Variants in NLRP13 observed in about 807,000 individuals in gnomAD.
NLRP13 encodes NLR family pyrin domain containing 13.
Under a neutral mutation model 94.4 loss-of-function variants are expected in NLRP13, and 82 were observed. That is an observed-to-expected ratio of 0.87 (90% CI 0.73 to 1.04). The LOEUF is 1.04. Among genes scored for constraint, NLRP13 ranks in the 50% least tolerant of loss-of-function variants. The pLI is 0.00. For missense variants in NLRP13, 1,426 were observed against 1,230.8 expected (o/e 1.16, Z -2.37); for synonymous variants, 553 against 464.7 (o/e 1.19, Z -2.45).
chr19:55,906,757 C>A (rs575684822), intron 7 of NLRP13, among the ~76,000 whole-genome samples: 17 of 150,550 alleles, frequency 1.1e-4, no homozygotes, highest in Admixed American at 3.3e-4. Context: ...TTTACAGACC[C>A]CCCCCTGCTC....
In NLRP13 at chr19:55,902,112, C is replaced by G; in HGVS notation, c.2712G>C (p.Lys904Asn). ...NRSLTHLNLS[K>N]NSLRDEGVKF... The stretch of plus-strand genomic sequence containing the variant: ...TGACTCCCTCGTCTCTCAGGCTGTT[C>G]TTGCTCAGATTCAGGTGTGTCAGGC... The change falls in exon 9 of 11, where the codon AAG becomes AAC. Residue 904 changes from lysine to asparagine, a missense_variant. Transcript: ENST00000342929. The G allele has an allele frequency of 6.2e-7, 1 of 1,614,132 alleles. No homozygotes were observed. Among genetic ancestry groups the G allele is most frequent in the Non-Finnish European group, 8.5e-7 (1 of 1,180,018 alleles).
At chr19:55,904,324 G>A (rs546253088) in intron 8 of NLRP13, among the ~76,000 whole-genome samples, 9 of 152,062 alleles carry the variant, frequency 5.9e-5, no homozygotes, top group Non-Finnish European at 1.2e-4. Flanking sequence ...TCCTGACCTC[G>A]TGATCTGCCC....
At chr19:55,916,121 T>C (rs1434590486) in intron 4 of NLRP13, among the ~76,000 whole-genome samples, 1 of 152,140 alleles carries the variant, frequency 6.6e-6, no homozygotes, top group African/African-American at 2.4e-5. Flanking sequence ...ATACTGTCTA[T>C]AACCAAGGAA....
rs757830786 is a variant in NLRP13 at position 55,904,954 on chromosome 19, A to C, written c.2606T>G (p.Leu869Ter). The change falls in exon 8 of 11, where the codon TTA (leucine) becomes TGA (stop). Residue 869 changes from leucine (L) to a stop codon, truncating the protein, a stop_gained. Transcript: ENST00000342929. LOFTEE classifies it high-confidence loss of function. ...AGGGAAAACTTACTCCAGTCTCTCT[A>C]AGGCACACTTGGGGTGAGTCAGGGC... Reference protein sequence around the residue: ...CAALTHPKCALERLELWFCQL... With the variant: ...CAALTHPKCA The C allele has an allele frequency of 5.6e-6, 9 of 1,613,690 alleles. No homozygotes were observed. The highest frequency in any genetic ancestry group is 1.3e-5 in the African/African-American group (1 of 74,904).
intron 9 of NLRP13, among the ~76,000 whole-genome samples, chr19:55,899,220 A>G (rs547731834): frequency 6.6e-6 from 1 of 152,270 alleles, no homozygotes; most frequent in East Asian, 1.9e-4. Context: ...GTTACCCCCC[A>G]GCACCCAGAG....
chr19:55,920,474 T>C (rs1460249864), intron 4 of NLRP13, among the ~76,000 whole-genome samples: 4 of 151,714 alleles, frequency 2.6e-5, no homozygotes, highest in African/African-American at 9.7e-5. Context: ...TAAAATCCCA[T>C]TAGAAAATGG....
chr19:55,917,765 A>G (rs960815095), intron 4 of NLRP13, among the ~76,000 whole-genome samples: 2 of 152,050 alleles, frequency 1.3e-5, no homozygotes, highest in African/African-American at 2.4e-5. Context: ...GAGTACCTAG[A>G]TTCATAAAAC....
At chr19:55,928,279 G>A (rs2123149044) in intron 1 of NLRP13, among the ~76,000 whole-genome samples, 1 of 152,288 alleles carries the variant, frequency 6.6e-6, no homozygotes, top group Non-Finnish European at 1.5e-5. Context: ...AAGAAACAAA[G>A]GATAAATGCT....
rs763393279 is a variant in NLRP13 at position 55,902,179 on chromosome 19, G to A, written c.2645C>T (p.Pro882Leu). The A allele has an allele frequency of 2.5e-6, 4 of 1,613,818 alleles. No homozygotes were observed. The highest frequency in any genetic ancestry group is 1.7e-6 in the Non-Finnish European group (2 of 1,179,962). The change falls in exon 9 of 11, where the codon CCC becomes CTC. Residue 882 changes from proline to leucine, a missense_variant. By Grantham distance (98) the Pro-to-Leu change is moderately conservative (BLOSUM62 -3). Transcript: ENST00000342929. ...AGCATCTGACAAGTGCTTGCAAGCGGGTGCTGCCAGCTGGCAAAACCAGAG... is the reference window on the plus strand; with the variant it reads ...AGCATCTGACAAGTGCTTGCAAGCGAGTGCTGCCAGCTGGCAAAACCAGAG... ...LELWFCQLAA[P>L]ACKHLSDALL... is the part of the protein sequence containing the mutation.
intron 6 of NLRP13, among the ~76,000 whole-genome samples, chr19:55,908,821 G>A (rs1986424715): frequency 6.6e-6 from 1 of 152,098 alleles, no homozygotes; most frequent in Admixed American, 6.6e-5. Context: ...TGGGTACTGG[G>A]ATTAATATCT....
intron 1 of NLRP13, 80 bp downstream of exon 1, chr19:55,931,913 C>T (rs1379612008): frequency 4.9e-6 from 6 of 1,229,126 alleles, no homozygotes; most frequent in Non-Finnish European, 4.7e-6. Flanking sequence ...TGTGGAATGA[C>T]CCCACAAAAA....
Position 55,912,113 on chromosome 19 carries a change from C to A in NLRP13, c.1704G>T (p.Met568Ile). The change falls in exon 5 of 11, where the codon ATG becomes ATT. Residue 568 changes from methionine (M) to isoleucine (I), a missense_variant. By Grantham distance (10) the Met-to-Ile change is conservative (BLOSUM62 1). Coordinates refer to ENST00000342929, the MANE Select transcript of NLRP13 (RefSeq NM_176810.2). ...TGTCAAGCAAGACGTGTTGCAGTAA[C>A]ATCTTCATCTCTTGTGGCTTTGTGG... ...PHSTKPQEMK[M>I]LLQHVLLDKE... The A allele has an allele frequency of 6.2e-7, 1 of 1,614,190 alleles. No homozygotes were observed. Among genetic ancestry groups the A allele is most frequent in the Non-Finnish European group, 8.5e-7 (1 of 1,180,030 alleles).
chr19:55,930,901 A>ATTTT (rs55976723), intron 1 of NLRP13, among the ~76,000 whole-genome samples: 45 of 98,292 alleles, frequency 4.6e-4, no homozygotes, highest in South Asian at 9.4e-4. Context: ...TATATATAAA[A>ATTTT]TTTTAACCAG....
At chr19:55,931,406 T>C (rs374344508) in intron 1 of NLRP13, among the ~76,000 whole-genome samples, 1 of 151,898 alleles carries the variant, frequency 6.6e-6, no homozygotes, top group Non-Finnish European at 1.5e-5. Flanking sequence ...GGGACAAATT[T>C]GCATGTTTAA....
chr19:55,925,301 T>C lies in NLRP13; in HGVS notation c.320-266A>G, dbSNP rs1477405147. Among the ~76,000 whole-genome samples, 4 of 152,222 alleles carry C rather than the reference T, an allele frequency of 2.6e-5. No homozygotes were observed. The East Asian group carries it at 7.7e-4, about 29-fold the overall frequency. ...CTGGATTCCCAGACATCTGCTTAGC[T>C]CACTCTCAAGGCTCTGCTGAAATCT... On this transcript the variant is annotated intron_variant, in intron 1 of 10. Coordinates refer to ENST00000342929, the MANE Select transcript of NLRP13 (RefSeq NM_176810.2).
chr19:55,913,034 C>G lies in NLRP13; in HGVS notation c.783G>C (p.Arg261Ser), dbSNP rs554497552. 6.2e-6 allele frequency: 10 copies of G among 1,614,118 alleles called. No homozygotes were observed. The Admixed American group carries it at 8.3e-5, about 13-fold the overall frequency. The change falls in exon 5 of 11, where the codon AGG becomes AGC. Residue 261 changes from arginine (R) to serine (S), a missense_variant. Transcript: ENST00000342929. ...HWANGVLFQQ[R>S]FSYVFYLSCH... is the part of the protein sequence containing the mutation. ...AGCTGAGATAGAAAACATAGGAGAA[C>G]CTTTGCTGAAAGAGAACTCCATTTG...
chr19:55,921,926 G>T (rs1232965956), intron 4 of NLRP13, among the ~76,000 whole-genome samples: 3 of 152,176 alleles, frequency 2.0e-5, no homozygotes, highest in African/African-American at 7.2e-5. Context: ...ATATTAGTCT[G>T]TTCTCACACT....
At position 55,898,950 on chromosome 19, in the gene NLRP13, A is replaced by G. The variant is rs1986090934; in HGVS notation, c.2790-13T>C. ...ACAACCTGACAAACTGCAAAATAAA[A>G]ACATACAAAAGGGGGGAAAGTAATT... On this transcript the variant is annotated splice_polypyrimidine_tract_variant and intron_variant, in intron 9 of 10. Coordinates refer to ENST00000342929, the MANE Select transcript of NLRP13 (RefSeq NM_176810.2). 1 of 1,605,880 alleles carries G rather than the reference A, an allele frequency of 6.2e-7. No homozygotes were observed. The highest frequency in any genetic ancestry group is 1.3e-5 in the African/African-American group (1 of 74,224).
In NLRP13 at chr19:55,915,390, G is replaced by A. The variant is rs143035119; in HGVS notation, c.524-2097C>T. On this transcript the variant is annotated intron_variant, in intron 4 of 10. Transcript: ENST00000342929. ...AAGCAGGTGGATCACCTGAGGTCAG[G>A]AGTTCGAGACCAGCCTGACCAACAT... Among the ~76,000 whole-genome samples the A allele has an allele frequency of 9.0e-3, 1,369 of 152,110 alleles. 7 individuals carry two copies. Among genetic ancestry groups the A allele is most frequent in the South Asian group, 0.02 (95 of 4,814 alleles).
Sources: gnomAD v4.1 joint callset for allele counts (sites outside exome capture counted in the v4.1 genomes callset) on GRCh38, gnomAD v4.1.1 for gene constraint, MANE v1.5 for transcripts, NCBI Gene and HGNC (gene_info 2026-07-23, HGNC 2026-07-21) for gene names.